The following AVEN variants were observed in gnomAD, a reference collection of about 807,000 sequenced individuals.
The protein encoded by AVEN is apoptosis and caspase activation inhibitor, also known as cell death regulator Aven.
Under a neutral mutation model 38.1 loss-of-function variants are expected in AVEN, and 41 were observed. The ratio of observed to expected loss-of-function variants is 1.08; its 90% CI spans 0.84 to 1.40. AVEN has a LOEUF of 1.40. Among genes scored for constraint, AVEN ranks in the 40% most tolerant of loss-of-function variants. AVEN has a pLI of 0.00. For missense variants in AVEN, 605 were observed against 438.8 expected (o/e 1.38, Z -3.38); for synonymous variants, 206 against 171.8 (o/e 1.20, Z -1.56).
At chr15:33,971,425 A>C (rs1245984297) in intron 2 of AVEN, among the ~76,000 whole-genome samples, 1 of 152,036 alleles carries the variant, frequency 6.6e-6, no homozygotes, top group East Asian at 1.9e-4. Context: ...GGTCATTTTA[A>C]ATTATCCAAA....
intron 2 of AVEN, among the ~76,000 whole-genome samples, chr15:33,910,458 A>C (rs1218297476): frequency 2.0e-5 from 3 of 152,232 alleles, no homozygotes; most frequent in African/African-American, 7.2e-5. Flanking sequence ...ACAAAGGCAA[A>C]AGTGTGTGGA....
chr15:34,004,461 G>T (rs1897256051), intron 1 of AVEN, among the ~76,000 whole-genome samples: 1 of 152,148 alleles, frequency 6.6e-6, no homozygotes, highest in South Asian at 2.1e-4. Flanking sequence ...GAACTTATTT[G>T]TACTGATTTG....
intron 1 of AVEN, among the ~76,000 whole-genome samples, chr15:34,072,741 C>T (rs1417717648): frequency 2.0e-5 from 3 of 150,884 alleles, no homozygotes; most frequent in African/African-American, 7.3e-5. Flanking sequence ...CTCCGCCTCC[C>T]GGGTTCAACA....
chr15:33,862,661 A>G (rs190454641), downstream of AVEN, among the ~76,000 whole-genome samples: 257 of 152,232 alleles, frequency 1.7e-3, 2 homozygotes, highest in Admixed American at 3.1e-3. Flanking sequence ...CCCAGGCTGA[A>G]GTGCAGTGGC....
At chr15:34,023,777 C>G (rs531498012) in intron 1 of AVEN, among the ~76,000 whole-genome samples, 3 of 152,250 alleles carry the variant, frequency 2.0e-5, no homozygotes, top group East Asian at 3.9e-4. Flanking sequence ...CTGCTAGCAA[C>G]TAAAAAGACC....
intron 5 of AVEN, chr15:34,062,571 A>AAAAAG: frequency 3.0e-6 from 2 of 668,420 alleles, no homozygotes; most frequent in Non-Finnish European, 2.4e-6. Context: ...AAAAAAAAAA[A>AAAAAG]AAACTATAAA....
chr15:34,017,572 C>A (rs755219527), intron 1 of AVEN, among the ~76,000 whole-genome samples: 5 of 148,432 alleles, frequency 3.4e-5, no homozygotes, highest in Non-Finnish European at 5.9e-5. Flanking sequence ...CCTCCATCTC[C>A]CAGTTCAAGC....
chr15:34,049,557 A>C, intron 5 of AVEN, among the ~76,000 whole-genome samples: 1 of 152,224 alleles, frequency 6.6e-6, no homozygotes, highest in East Asian at 1.9e-4. Flanking sequence ...CCCATGACTG[A>C]TTGGGGTACC....
At chr15:33,914,761 A>G (rs528590552) in intron 2 of AVEN, among the ~76,000 whole-genome samples, 1 of 151,356 alleles carries the variant, frequency 6.6e-6, no homozygotes, top group African/African-American at 2.4e-5. Flanking sequence ...TGAACTCATG[A>G]TTTTTTTTTA....
chr15:33,937,541 AAAAT>A (rs1894135830), intron 2 of AVEN, among the ~76,000 whole-genome samples: 1 of 152,082 alleles, frequency 6.6e-6, no homozygotes, highest in Admixed American at 6.5e-5. Context: ...TCAAAAAAAA[AAAAT>A]AAATCCTTCT....
intron 2 of AVEN, among the ~76,000 whole-genome samples, chr15:33,994,452 T>C (rs1234305069): frequency 5.3e-5 from 8 of 152,154 alleles, no homozygotes; most frequent in Admixed American, 4.6e-4. Context: ...GTAATAATAA[T>C]AGAAATAAAG....
intron 2 of AVEN, among the ~76,000 whole-genome samples, chr15:33,880,046 G>C (rs138600315): frequency 0.016 from 2,408 of 152,112 alleles, 31 homozygotes; most frequent in South Asian, 0.041. Flanking sequence ...GGTAGATTTT[G>C]GTAAGTTATG....
chr15:33,915,613 G>A (rs1290036500), intron 2 of AVEN, among the ~76,000 whole-genome samples: 2 of 152,184 alleles, frequency 1.3e-5, no homozygotes, highest in Non-Finnish European at 2.9e-5. Context: ...AAGGAGAAGG[G>A]AACTTCCAGC....
chr15:33,988,228 T>C (rs1896561309), intron 2 of AVEN, among the ~76,000 whole-genome samples: 2 of 152,222 alleles, frequency 1.3e-5, no homozygotes, highest in Admixed American at 1.3e-4. Context: ...GACAGTGATA[T>C]ACAATAAACA....
At chr15:33,877,611 T>C (rs1168020130) in intron 2 of AVEN, among the ~76,000 whole-genome samples, 2 of 152,076 alleles carry the variant, frequency 1.3e-5, no homozygotes, top group Non-Finnish European at 2.9e-5. Flanking sequence ...GGTCAGGAGT[T>C]CAAGACCAGC....
At chr15:33,956,517 T>C (rs1209839694) in intron 2 of AVEN, among the ~76,000 whole-genome samples, 1 of 152,204 alleles carries the variant, frequency 6.6e-6, no homozygotes, top group Non-Finnish European at 1.5e-5. Context: ...CTTTGCCCAG[T>C]TTTAATAGGG....
At chr15:33,959,748 G>T (rs568629778) in intron 2 of AVEN, among the ~76,000 whole-genome samples, 1 of 144,648 alleles carries the variant, frequency 6.9e-6, no homozygotes, top group South Asian at 2.2e-4. Flanking sequence ...GTAAAGCATG[G>T]TGTCTACCCT....
intron 2 of AVEN, among the ~76,000 whole-genome samples, chr15:33,959,256 A>G (rs1048015613): frequency 2.0e-5 from 3 of 152,190 alleles, no homozygotes; most frequent in African/African-American, 7.2e-5. Context: ...CCTACTAGAT[A>G]GAATAATTAC....
At chr15:34,028,698 G>T (rs1898615159) in intron 1 of AVEN, among the ~76,000 whole-genome samples, 1 of 152,172 alleles carries the variant, frequency 6.6e-6, no homozygotes, top group African/African-American at 2.4e-5. Flanking sequence ...GTGTAAGGTA[G>T]ATATCCTTAA....
Sources: gnomAD v4.1 joint callset for allele counts (sites outside exome capture counted in the v4.1 genomes callset) on GRCh38, gnomAD v4.1.1 for gene constraint, MANE v1.5 for transcripts, NCBI Gene and HGNC (gene_info 2026-07-23, HGNC 2026-07-21) for gene names.